The following CDH6 variants were observed in gnomAD, a reference collection of about 807,000 sequenced individuals.
CDH6 encodes cadherin 6.
Under a neutral mutation model 78.0 loss-of-function variants are expected in CDH6, and 31 were observed. The observed-to-expected ratio is 0.40, with a 90% CI of 0.30 to 0.54. CDH6 has a LOEUF of 0.54. CDH6 is among the 20% of genes least tolerant of loss of function. CDH6 has a pLI of 0.56. For synonymous variants in CDH6, 376 were observed against 368.8 expected (o/e 1.02, Z -0.23); for missense variants, 724 against 975.9 (o/e 0.74, Z 3.44).
intron 2 of CDH6, among the ~76,000 whole-genome samples, chr5:31,285,217 C>T (rs947142976): frequency 5.3e-5 from 8 of 152,076 alleles, no homozygotes; most frequent in Non-Finnish European, 1.0e-4. Flanking sequence ...CTTTTCTTAC[C>T]CCAGGCACAT....
intron 1 of CDH6, among the ~76,000 whole-genome samples, chr5:31,223,250 G>A (rs935513075): frequency 2.6e-5 from 4 of 151,986 alleles, no homozygotes; most frequent in African/African-American, 4.8e-5. Context: ...TCACAGTGGC[G>A]GATAAAAATT....
Position 31,325,755 on chromosome 5 carries a change from A to G in CDH6, c.*2447A>G, listed in dbSNP as rs985567843. Reference sequence around the variant, plus strand: ...CACAGCATACCAAGAACAGGTTAATATGATTACTTATGGAAATAACTTTAA... The same window carrying G: ...CACAGCATACCAAGAACAGGTTAATGTGATTACTTATGGAAATAACTTTAA... On this transcript the variant is annotated 3_prime_UTR_variant, in exon 12 of 12. Coordinates refer to ENST00000265071, the MANE Select transcript of CDH6 (RefSeq NM_004932.4). The G allele has an allele frequency of 4.3e-6, 1 of 230,800 alleles. No homozygotes were observed. The highest frequency in any genetic ancestry group is 6.2e-5 in the East Asian group (1 of 16,160). 14.3% of individuals were successfully genotyped at this position (230,800 alleles called of 1,614,324 possible).
intron 2 of CDH6, among the ~76,000 whole-genome samples, chr5:31,280,477 G>A (rs1245405242): frequency 6.6e-6 from 1 of 152,144 alleles, no homozygotes; most frequent in African/African-American, 2.4e-5. Context: ...GGACCCCAGG[G>A]CCATTGCCAG....
At chr5:31,267,057 A>G (rs992762511) in intron 1 of CDH6, among the ~76,000 whole-genome samples, 6 of 152,198 alleles carry the variant, frequency 3.9e-5, no homozygotes, top group African/African-American at 1.4e-4. Flanking sequence ...TCCAAGGTAA[A>G]AGAGTAGCGC....
chr5:31,286,177 T>C (rs369053789), intron 2 of CDH6, among the ~76,000 whole-genome samples: 1 of 152,216 alleles, frequency 6.6e-6, no homozygotes, highest in South Asian at 2.1e-4. Context: ...ATAAAGTGCC[T>C]GTATATCAGG....
intron 7 of CDH6, among the ~76,000 whole-genome samples, chr5:31,310,784 A>G (rs1738126361): frequency 6.6e-6 from 1 of 152,134 alleles, no homozygotes; most frequent in Non-Finnish European, 1.5e-5. Context: ...TGTACCCCAG[A>G]ATGGTGGATC....
chr5:31,269,672 C>T (rs1448928349), intron 2 of CDH6, among the ~76,000 whole-genome samples: 3 of 152,194 alleles, frequency 2.0e-5, no homozygotes, highest in Non-Finnish European at 2.9e-5. Flanking sequence ...ACTTTCATAT[C>T]ACTGCAGAAG....
chr5:31,271,670 G>A (rs922980013), intron 2 of CDH6, among the ~76,000 whole-genome samples: 13 of 152,172 alleles, frequency 8.5e-5, no homozygotes, highest in South Asian at 2.1e-4. Flanking sequence ...ATATAAAAAC[G>A]GGATGTGATT....
At chr5:31,206,868 G>A (rs988943732) in intron 1 of CDH6, among the ~76,000 whole-genome samples, 1 of 151,876 alleles carries the variant, frequency 6.6e-6, no homozygotes, top group Admixed American at 6.6e-5. Flanking sequence ...ACTCAGCTTA[G>A]AAAGAAGCAC....
At chr5:31,248,449 G>A (rs1021635205) in intron 1 of CDH6, among the ~76,000 whole-genome samples, 6 of 152,102 alleles carry the variant, frequency 3.9e-5, no homozygotes, top group Non-Finnish European at 7.4e-5. Context: ...TACTCAACAC[G>A]ATGAAAGTTC....
chr5:31,236,328 T>A (rs1741453025), intron 1 of CDH6, among the ~76,000 whole-genome samples: 1 of 152,190 alleles, frequency 6.6e-6, no homozygotes, highest in African/African-American at 2.4e-5. Context: ...AATCAAGGTG[T>A]CTTTCACTGA....
intron 6 of CDH6, among the ~76,000 whole-genome samples, chr5:31,302,970 A>AG (rs1737872076): frequency 6.7e-6 from 1 of 149,698 alleles, no homozygotes; most frequent in Admixed American, 6.6e-5. Context: ...AAAGAAAAGA[A>AG]AGAAAGAAAG....
At chr5:31,300,409 A>G (rs1345888862) in intron 5 of CDH6, among the ~76,000 whole-genome samples, 1 of 152,234 alleles carries the variant, frequency 6.6e-6, no homozygotes, top group Non-Finnish European at 1.5e-5. Context: ...ATCAGCTGAT[A>G]CGGGCTTCCT....
intron 5 of CDH6, among the ~76,000 whole-genome samples, chr5:31,301,185 T>G (rs1296247664): frequency 6.6e-6 from 1 of 152,232 alleles, no homozygotes; most frequent in East Asian, 1.9e-4. Flanking sequence ...TTTTTTAACC[T>G]GCTTTATCAT....
intron 1 of CDH6, among the ~76,000 whole-genome samples, chr5:31,224,668 C>T (rs1741098856): frequency 6.6e-6 from 1 of 152,118 alleles, no homozygotes. Context: ...ATCCTCCCAC[C>T]TCAGCCTCCC....
intron 2 of CDH6, among the ~76,000 whole-genome samples, chr5:31,289,731 G>A (rs946581247): frequency 1.3e-5 from 2 of 152,172 alleles, no homozygotes; most frequent in African/African-American, 4.8e-5. Flanking sequence ...CAGGAAATGG[G>A]AGCAATAAGG....
At chr5:31,238,861 C>G (rs1389147402) in intron 1 of CDH6, among the ~76,000 whole-genome samples, 1 of 152,206 alleles carries the variant, frequency 6.6e-6, no homozygotes, top group Non-Finnish European at 1.5e-5. Flanking sequence ...TTTGTTCTTA[C>G]TGGCAATGTA....
chr5:31,239,934 T>C (rs1452512338), intron 1 of CDH6, among the ~76,000 whole-genome samples: 1 of 152,210 alleles, frequency 6.6e-6, no homozygotes, highest in Non-Finnish European at 1.5e-5. Context: ...CTTCAAATAA[T>C]CTTTCAGATA....
At chr5:31,255,280 C>T (rs1027077691) in intron 1 of CDH6, among the ~76,000 whole-genome samples, 3 of 152,180 alleles carry the variant, frequency 2.0e-5, no homozygotes, top group East Asian at 3.8e-4. Context: ...CGCACTGTGA[C>T]GGTGCCGTCG....
Sources: gnomAD v4.1 joint callset for allele counts (sites outside exome capture counted in the v4.1 genomes callset) on GRCh38, gnomAD v4.1.1 for gene constraint, MANE v1.5 for transcripts, NCBI Gene and HGNC (gene_info 2026-07-23, HGNC 2026-07-21) for gene names.